Variants in NUP188 observed in about 807,000 individuals in gnomAD.
NUP188 encodes nucleoporin 188.
NUP188 carries 97 observed loss-of-function variants against 223.0 expected under a neutral mutation model. The ratio of observed to expected loss-of-function variants is 0.43; its 90% CI spans 0.37 to 0.51. The LOEUF (loss-of-function observed/expected upper bound fraction) is 0.51, where lower values mean the gene tolerates loss of function less well. Among genes scored for constraint, NUP188 ranks in the 20% least tolerant of loss-of-function variants. The probability of loss-of-function intolerance (pLI) is 0.00; values close to 1 mark genes in which losing one functional copy is unlikely to be tolerated. For synonymous variants in NUP188, 869 were observed against 828.0 expected, an observed-to-expected ratio of 1.05 and a Z score of -0.85; for missense variants, 1,947 against 2,175.6, an observed-to-expected ratio of 0.89 and a Z score of 2.09.
chr9:128,996,005 T>C (rs1842518159), intron 30 of NUP188, among the ~76,000 whole-genome samples: 1 of 152,194 alleles, frequency 6.6e-6, no homozygotes, highest in African/African-American at 2.4e-5. Flanking sequence ...GTCTCTGTAC[T>C]CTGTCTACTG....
intron 38 of NUP188, 103 bp downstream of exon 38, chr9:129,003,557 G>A (rs539939730): frequency 7.4e-7 from 1 of 1,359,566 alleles, no homozygotes; most frequent in Admixed American, 1.7e-5. Flanking sequence ...GGATGTTCCT[G>A]AACGGGGGCT....
chr9:129,006,780 C>T lies in NUP188; in HGVS notation c.*102C>T. 1.6e-6 allele frequency: 2 copies of T among 1,234,938 alleles called. No homozygotes were observed. Among genetic ancestry groups the T allele is most frequent in the Non-Finnish European group, 2.2e-6 (2 of 904,800 alleles). 76.5% of individuals were successfully genotyped at this position (1,234,938 alleles called of 1,614,324 possible). ...CTAGGGCCTATACAATGGAGGGCAC[C>T]TCCTGTCACCCCCCTCCCGGAGTAG... On this transcript the variant is annotated 3_prime_UTR_variant, in exon 44 of 44. Transcript: ENST00000372577.
rs144288673 is a variant in NUP188 at position 128,982,599 on chromosome 9, T to C, written c.1567T>C (p.Leu523=). ...TCAAGGCACTGTGGGCCAAGTAATGTTGGATGATAGGGCATACCTGGTACG... is the reference window on the plus strand; with the variant it reads ...TCAAGGCACTGTGGGCCAAGTAATGCTGGATGATAGGGCATACCTGGTACG... ...IPQGTVGQVM[L]DDRAYLVRWE... Residue 523 remains leucine, a synonymous_variant, in exon 16 of 44, where the codon TTG becomes CTG. Transcript: ENST00000372577. The C allele has an allele frequency of 9.4e-5, 152 of 1,614,122 alleles. 1 individual carries two copies. In the African/African-American group the frequency reaches 1.6e-3, roughly 17 times the overall value.
At chr9:129,001,839 G>A (rs778824620) in intron 35 of NUP188, 45 bp from the exon 36 acceptor site, 1 of 1,600,224 alleles carries the variant, frequency 6.2e-7, no homozygotes, top group Non-Finnish European at 8.6e-7. Flanking sequence ...CCTAGGCAGG[G>A]CAGGGGCAGG....
chr9:129,005,883 C>T, intron 41 of NUP188, 107 bp downstream of exon 41: 1 of 1,452,462 alleles, frequency 6.9e-7, no homozygotes, highest in Non-Finnish European at 9.4e-7. Flanking sequence ...GCCTCCCAAG[C>T]CTGCTCCTCT....
chr9:128,962,084 C>T (rs895369841), intron 8 of NUP188, among the ~76,000 whole-genome samples: 3 of 149,912 alleles, frequency 2.0e-5, no homozygotes, highest in South Asian at 4.2e-4. Flanking sequence ...TAAAGGCATG[C>T]GCCACCACAC....
At position 128,980,668 on chromosome 9, in the gene NUP188, C is replaced by G; in HGVS notation, c.1332C>G (p.Leu444=). The change falls in exon 14 of 44, where the codon CTC becomes CTG. Residue 444 remains leucine, a synonymous_variant. Transcript: ENST00000372577. The stretch of plus-strand genomic sequence containing the variant: ...TGTGTGGAATGTTTCCCCACCTTCT[C>G]TCCCCACTCCTGCAACTGCTCCGAG... ...DSVCGMFPHL[L]SPLLQLLRAL... is the part of the protein sequence containing the mutation. The G allele has an allele frequency of 6.2e-7, 1 of 1,614,138 alleles. No individual in the cohort carries two copies. Among genetic ancestry groups the G allele is most frequent in the Non-Finnish European group, 8.5e-7 (1 of 1,179,996 alleles).
At chr9:128,951,672 T>A (rs1293540024) in intron 2 of NUP188, among the ~76,000 whole-genome samples, 3 of 152,152 alleles carry the variant, frequency 2.0e-5, no homozygotes, top group African/African-American at 2.4e-5. Flanking sequence ...TGTTATAATG[T>A]TAAGCAAAGA....
Position 128,998,638 on chromosome 9 carries a change from GGA to G in NUP188, c.3515+19_3515+20del, listed in dbSNP as rs1368143173. 1.2e-6 allele frequency: 2 copies of G among 1,607,560 alleles called. No homozygotes were observed. Among genetic ancestry groups the G allele is most frequent in the Non-Finnish European group, 1.7e-6 (2 of 1,174,748 alleles). On this transcript the variant is annotated intron_variant, in intron 32 of 43. Coordinates refer to ENST00000372577, the MANE Select transcript of NUP188 (RefSeq NM_015354.3). The stretch of plus-strand genomic sequence containing the variant: ...CAGTGGAAGAGGTGAGGCTGTGCCA[GGA>G]GAGGCAAGCCCGAGGCCAGAGCCTT...
chr9:128,998,176 C>G lies in NUP188; in HGVS notation c.3377C>G (p.Ser1126Cys). The change falls in exon 31 of 44, where the codon TCT (serine) becomes TGT (cysteine). Residue 1126 changes from serine to cysteine, a missense_variant. This residue lies in a region of NUP188 where 905 missense variants were observed against 990.6 expected (regional missense o/e 0.91). Coordinates refer to ENST00000372577, the MANE Select transcript of NUP188 (RefSeq NM_015354.3). ...THADIMHLTDSVVRRQLFLDV... is the reference protein window; with the variant it reads ...THADIMHLTDCVVRRQLFLDV... ...GCAGATATAATGCACCTGACTGACT[C>G]TGTGGTGCGTCGCCAGCTCTTTCTT... 1 of 1,613,934 alleles carries G rather than the reference C, an allele frequency of 6.2e-7. No homozygotes were observed. The highest frequency in any genetic ancestry group is 8.5e-7 in the Non-Finnish European group (1 of 1,179,782).
intron 6 of NUP188, 58 bp downstream of exon 6, chr9:128,958,112 C>T (rs1257775036): frequency 3.6e-6 from 5 of 1,380,864 alleles, no homozygotes; most frequent in African/African-American, 1.4e-5. Context: ...AGCTTCTTGA[C>T]CTCATTTTCC....
chr9:128,992,076 T>A (rs1842444059), intron 25 of NUP188, among the ~76,000 whole-genome samples: 1 of 151,252 alleles, frequency 6.6e-6, no homozygotes, highest in South Asian at 2.1e-4. Context: ...CCGGCTAATT[T>A]TTTGTATTTT....
intron 9 of NUP188, 99 bp from the exon 10 acceptor site, chr9:128,969,301 A>G (rs899260946): frequency 5.6e-6 from 4 of 711,626 alleles, no homozygotes; most frequent in Middle Eastern, 2.5e-4. Context: ...GCCTGGCCCA[A>G]TAGGTTTTTT....
rs1842564161 is a variant in NUP188, at chr9:128,998,164, A to G, written c.3365A>G (p.His1122Arg). The G allele has an allele frequency of 6.2e-7, 1 of 1,613,732 alleles. No individual in the cohort carries two copies. The highest frequency in any genetic ancestry group is 8.5e-7 in the Non-Finnish European group (1 of 1,179,770). Residue 1122 changes from histidine (H) to arginine (R), a missense_variant, in exon 31 of 44, where the codon CAC (histidine) becomes CGC (arginine). His to Arg is a conservative substitution (Grantham distance 29, BLOSUM62 0). Around this residue, in one of 3 missense-constraint regions of NUP188, gnomAD observed 905 missense variants for 990.6 expected, o/e 0.91. Coordinates refer to ENST00000372577, the MANE Select transcript of NUP188 (RefSeq NM_015354.3). The part of the protein sequence containing the change: ...IIATTHADIM[H>R]LTDSVVRRQL... ...GTTCCTTTGCAGGCAGATATAATGCACCTGACTGACTCTGTGGTGCGTCGC... is the reference window on the plus strand; with the variant it reads ...GTTCCTTTGCAGGCAGATATAATGCGCCTGACTGACTCTGTGGTGCGTCGC...
chr9:128,960,972 C>T (rs1335675251), intron 8 of NUP188, among the ~76,000 whole-genome samples: 1 of 151,452 alleles, frequency 6.6e-6, no homozygotes, highest in East Asian at 2.0e-4. Flanking sequence ...GTAGTCTCAG[C>T]TACTCAGGAG....
intron 24 of NUP188, 51 bp downstream of exon 24, chr9:128,988,237 A>AT: frequency 6.3e-7 from 1 of 1,597,404 alleles, no homozygotes; most frequent in South Asian, 1.1e-5. Context: ...TCTTCCAGTC[A>AT]TTTTTGCTCA....
At chr9:128,986,761 G>C (rs756959611) in intron 21 of NUP188, 48 bp from the exon 22 acceptor site, 1 of 1,613,448 alleles carries the variant, frequency 6.2e-7, no homozygotes, top group Non-Finnish European at 8.5e-7. Context: ...TGAGATAAGG[G>C]GTCATTTCAC....
intron 9 of NUP188, 72 bp downstream of exon 9, chr9:128,968,789 G>A: frequency 8.8e-7 from 1 of 1,142,030 alleles, no homozygotes; most frequent in Non-Finnish European, 1.3e-6. Context: ...TATGTAAGCA[G>A]GTAGGGGGTA....
intron 2 of NUP188, 108 bp downstream of exon 2, chr9:128,949,351 A>C: frequency 1.3e-6 from 1 of 770,782 alleles, no homozygotes; most frequent in Non-Finnish European, 2.2e-6. Context: ...ATTTATTTAG[A>C]GACAGAGTTT....
Sources: allele counts gnomAD v4.1 joint callset (sites outside exome capture counted in the v4.1 genomes callset), GRCh38; gene constraint gnomAD v4.1.1; regional missense constraint gnomAD v4.1.1; transcripts MANE v1.5; gene names NCBI Gene and HGNC (gene_info 2026-07-23, HGNC 2026-07-21).